Variants in NPAS3 observed in about 807,000 individuals in gnomAD.
NPAS3 encodes neuronal PAS domain protein 3.
NPAS3 carries 14 observed loss-of-function variants against 73.1 expected under a neutral mutation model. The ratio of observed to expected loss-of-function variants is 0.19; its 90% CI spans 0.13 to 0.30. NPAS3 has a LOEUF of 0.30. NPAS3 is among the 10% of genes least tolerant of loss of function. NPAS3 has a pLI of 1.00. For missense variants in NPAS3, 1,096 were observed against 1,250.0 expected, an observed-to-expected ratio of 0.88 and a Z score of 1.86; for synonymous variants, 620 against 541.5, an observed-to-expected ratio of 1.14 and a Z score of -2.01.
intron 2 of NPAS3, among the ~76,000 whole-genome samples, chr14:33,142,156 G>T (rs2044071153): frequency 8.4e-6 from 1 of 118,542 alleles, no homozygotes; most frequent in African/African-American, 3.2e-5. Context: ...TTTTACTTCT[G>T]CTCCTAATTT....
chr14:33,495,301 T>C (rs753341677), intron 4 of NPAS3, among the ~76,000 whole-genome samples: 2 of 152,150 alleles, frequency 1.3e-5, no homozygotes, highest in African/African-American at 2.4e-5. Flanking sequence ...ATGAGTTTCT[T>C]AATCCTGAGT....
chr14:33,396,364 C>T (rs1249730304), intron 4 of NPAS3, among the ~76,000 whole-genome samples: 1 of 152,222 alleles, frequency 6.6e-6, no homozygotes, highest in Non-Finnish European at 1.5e-5. Flanking sequence ...GAGGATTAAA[C>T]GTGGGTGATT....
intron 2 of NPAS3, among the ~76,000 whole-genome samples, chr14:33,159,733 T>C (rs888040415): frequency 6.6e-6 from 1 of 152,054 alleles, no homozygotes; most frequent in African/African-American, 2.4e-5. Context: ...TTTTGTATTT[T>C]GAGTAGAGAC....
At chr14:33,392,987 CAT>C (rs1306534988) in intron 4 of NPAS3, among the ~76,000 whole-genome samples, 2 of 152,156 alleles carry the variant, frequency 1.3e-5, no homozygotes, top group African/African-American at 4.8e-5. Context: ...TTCCCATAGA[CAT>C]AAAATTTACC....
chr14:33,525,454 C>G (rs994161180), intron 4 of NPAS3, among the ~76,000 whole-genome samples: 1 of 152,052 alleles, frequency 6.6e-6, no homozygotes, highest in African/African-American at 2.4e-5. Flanking sequence ...GTAATAATGC[C>G]CTTGCAATCA....
chr14:33,309,861 G>C lies in NPAS3; in HGVS notation c.386-57325G>C, dbSNP rs112676491. ...CGAATGCTCAGCTAGCTATGGAGGT[G>C]GGGGAAGTAGTTGTCATATTTCCCT... On this transcript the variant is annotated intron_variant, in intron 3 of 11. Coordinates refer to ENST00000356141, the Ensembl canonical transcript of NPAS3. 6.4e-3 allele frequency among the ~76,000 whole-genome samples: 980 copies of C among 152,266 alleles called. 3 individuals are homozygous for C. The highest frequency in any genetic ancestry group is 0.011 in the Non-Finnish European group (727 of 68,038).
chr14:33,413,909 C>T (rs2048037631), intron 4 of NPAS3, among the ~76,000 whole-genome samples: 1 of 152,076 alleles, frequency 6.6e-6, no homozygotes, highest in Admixed American at 6.6e-5. Flanking sequence ...CACATTCCAA[C>T]CTCTTTCCCA....
At chr14:32,975,308 G>GTCACTCCTTT (rs1555313400) in intron 1 of NPAS3, among the ~76,000 whole-genome samples, 4 of 103,998 alleles carry the variant, frequency 3.8e-5, no homozygotes, top group South Asian at 2.8e-4. Flanking sequence ...CTCCCTCCCT[G>GTCACTCCTTT]CCTCCGTCAC....
At chr14:33,319,916 A>C (rs2043365887) in intron 3 of NPAS3, among the ~76,000 whole-genome samples, 1 of 152,188 alleles carries the variant, frequency 6.6e-6, no homozygotes, top group Non-Finnish European at 1.5e-5. Context: ...GGCACGTGGT[A>C]GGTATTCAAG....
At chr14:33,448,068 T>C (rs1354528450) in intron 4 of NPAS3, among the ~76,000 whole-genome samples, 1 of 152,204 alleles carries the variant, frequency 6.6e-6, no homozygotes, top group East Asian at 1.9e-4. Flanking sequence ...ATGATAAGTA[T>C]GAATTATGTA....
chr14:33,010,154 C>T (rs1286663557), intron 1 of NPAS3, among the ~76,000 whole-genome samples: 1 of 152,090 alleles, frequency 6.6e-6, no homozygotes, highest in Non-Finnish European at 1.5e-5. Flanking sequence ...AATTAATTGC[C>T]TCAACATTTA....
chr14:33,798,490 T>C (rs2063579140), intron 11 of NPAS3, among the ~76,000 whole-genome samples: 1 of 152,136 alleles, frequency 6.6e-6, no homozygotes, highest in Admixed American at 6.5e-5. Context: ...CTTCCCTCCA[T>C]GTTCAGACGC....
intron 9 of NPAS3, among the ~76,000 whole-genome samples, chr14:33,783,395 CT>C (rs1202879731): frequency 2.6e-5 from 4 of 152,130 alleles, no homozygotes; most frequent in Non-Finnish European, 5.9e-5. Flanking sequence ...AAGTGTTCCC[CT>C]TCTGCCATAT....
intron 2 of NPAS3, among the ~76,000 whole-genome samples, chr14:33,143,536 C>A (rs759460084): frequency 1.3e-5 from 2 of 151,960 alleles, no homozygotes; most frequent in Non-Finnish European, 2.9e-5. Flanking sequence ...CAATCCTTTT[C>A]ATAAAACCTA....
chr14:33,296,673 A>G (rs1352946422), intron 3 of NPAS3, among the ~76,000 whole-genome samples: 1 of 152,216 alleles, frequency 6.6e-6, no homozygotes, highest in African/African-American at 2.4e-5. Context: ...TTGGTGTCCT[A>G]TGATAGCCAC....
At chr14:33,722,731 G>A (rs963857817) in intron 6 of NPAS3, among the ~76,000 whole-genome samples, 2 of 152,028 alleles carry the variant, frequency 1.3e-5, no homozygotes, top group African/African-American at 4.8e-5. Flanking sequence ...TAATTATTGG[G>A]TTATCTCTCA....
chr14:33,031,521 T>C (rs1437403596), intron 1 of NPAS3, among the ~76,000 whole-genome samples: 2 of 152,068 alleles, frequency 1.3e-5, no homozygotes, highest in African/African-American at 2.4e-5. Context: ...GAGACAGGGT[T>C]TCACTATATT....
intron 1 of NPAS3, among the ~76,000 whole-genome samples, chr14:32,991,049 GTTAT>G (rs2038314965): frequency 6.6e-6 from 1 of 151,466 alleles, no homozygotes; most frequent in African/African-American, 2.4e-5. Flanking sequence ...ATACAGGATA[GTTAT>G]ATACAGTCCT....
At chr14:33,207,607 A>G (rs1054950153) in intron 2 of NPAS3, among the ~76,000 whole-genome samples, 1 of 152,208 alleles carries the variant, frequency 6.6e-6, no homozygotes, top group Non-Finnish European at 1.5e-5. Flanking sequence ...ACAGCCATTC[A>G]CACTTAATTC....
Sources: allele counts gnomAD v4.1 joint callset (sites outside exome capture counted in the v4.1 genomes callset), GRCh38; gene constraint gnomAD v4.1.1; transcripts MANE v1.5; gene names NCBI Gene and HGNC (gene_info 2026-07-23, HGNC 2026-07-21).